RYR1: variants seen among roughly 807,000 people sequenced by gnomAD.
RYR1 encodes the protein ryanodine receptor 1, also known as central core disease of muscle.
Under a neutral mutation model 583.5 loss-of-function variants are expected in RYR1, and 342 were observed. The ratio of observed to expected loss-of-function variants is 0.59; its 90% CI spans 0.54 to 0.64. The LOEUF is 0.64. RYR1 is among the 30% of genes least tolerant of loss of function. RYR1 has a pLI of 0.00. For missense variants in RYR1, 6,032 were observed against 6,917.2 expected, an observed-to-expected ratio of 0.87 and a Z score of 4.54; for synonymous variants, 2,791 against 2,822.5, an observed-to-expected ratio of 0.99 and a Z score of 0.35.
At chr19:38,478,747 T>G (rs1968870880) in intron 31 of RYR1, 147 bp downstream of exon 31, 1 of 846,124 alleles carries the variant, frequency 1.2e-6, no homozygotes. Context: ...GAGACCACCT[T>G]GTTGAAACTT....
chr19:38,439,017 A>C (rs886950657), intron 1 of RYR1, among the ~76,000 whole-genome samples: 2 of 151,932 alleles, frequency 1.3e-5, no homozygotes, highest in African/African-American at 4.8e-5. Flanking sequence ...CAGCCAAGGC[A>C]GGGATCTTGA....
rs111578044 is a variant in RYR1, at chr19:38,572,045, C to T, written c.13773C>T (p.Asp4591=). Residue 4591 remains aspartate, a synonymous_variant, in exon 95 of 106, where the codon GAC becomes GAT. Coordinates refer to ENST00000359596, the MANE Select transcript of RYR1 (RefSeq NM_000540.3). ...YKVSDSPPGE[D]DMEGSAAGDV... is the part of the protein sequence containing the mutation. ...TCTCAGACTCTCCACCAGGGGAGGA[C>T]GACATGGAAGGCTCAGCTGCTGGGG... 53 of 1,614,050 alleles carry T rather than the reference C, an allele frequency of 3.3e-5. No homozygotes were observed. Among genetic ancestry groups the T allele is most frequent in the African/African-American group, 2.0e-4 (15 of 75,032 alleles).
Position 38,490,720 on chromosome 19 carries a change from C to A in RYR1, c.6115C>A (p.Leu2039Met). The change falls in exon 37 of 106, where the codon CTG becomes ATG. Residue 2039 changes from leucine (L) to methionine (M), a missense_variant. Leu to Met is a conservative substitution (Grantham distance 15, BLOSUM62 2). Coordinates refer to ENST00000359596, the MANE Select transcript of RYR1 (RefSeq NM_000540.3). Reference protein sequence around the residue: ...QDLLDFHQDLLAHCGIQLDGE... With the variant: ...QDLLDFHQDLMAHCGIQLDGE... ...TTTGCTTGACTTTCATCAAGACCTG[C>A]TGGCACACTGTGGTAAGGAGTGGGG... 1 of 1,609,974 alleles carries A rather than the reference C, an allele frequency of 6.2e-7. No individual in the cohort carries two copies. Among genetic ancestry groups the A allele is most frequent in the Non-Finnish European group, 8.5e-7 (1 of 1,176,140 alleles).
At chr19:38,495,637 C>G (rs71356808) in intron 39 of RYR1, among the ~76,000 whole-genome samples, 1 of 152,050 alleles carries the variant, frequency 6.6e-6, no homozygotes, top group African/African-American at 2.4e-5. Flanking sequence ...CAAAAGCCAC[C>G]ATGCTGGGAC....
At position 38,561,027 on chromosome 19, in the gene RYR1, C is replaced by T. The variant is rs1456063053; in HGVS notation, c.12283-86C>T. On this transcript the variant is annotated intron_variant, in intron 89 of 105. Coordinates refer to ENST00000359596, the MANE Select transcript of RYR1 (RefSeq NM_000540.3). This position sits in a 1 kb window ranked among gnomAD's most constrained non-coding sequence, Gnocchi z 4.8. ...CTGCACTCCAGCCTGGGCGACACAG[C>T]GAGACCTTGTCTTAAAAAAAAAAAA... 36 of 1,274,492 alleles carry T rather than the reference C, an allele frequency of 2.8e-5. No homozygotes were observed. The highest frequency in any genetic ancestry group is 4.6e-5 in the African/African-American group (3 of 65,122). The allele number at this position is 1,274,492 out of a possible 1,614,324, so 78.9% of individuals were successfully genotyped here.
Position 38,561,997 on chromosome 19 carries a change from C to G in RYR1, c.12624+543C>G, listed in dbSNP as rs182223176. On this transcript the variant is annotated intron_variant, in intron 90 of 105. Coordinates refer to ENST00000359596, the MANE Select transcript of RYR1 (RefSeq NM_000540.3). This position sits in a 1 kb window ranked among gnomAD's most constrained non-coding sequence, Gnocchi z 4.8. ...CATCACGTTTGCCCCCAGATGCCTT[C>G]TGAAGTCCTAGCATATGTGTACCCC... Among the ~76,000 whole-genome samples the G allele has an allele frequency of 2.6e-5, 4 of 152,236 alleles. No individual in the cohort carries two copies. In the East Asian group the frequency reaches 7.7e-4, roughly 29 times the overall value.
chr19:38,464,314 C>T (rs1445896473), intron 22 of RYR1, among the ~76,000 whole-genome samples: 2 of 122,872 alleles, frequency 1.6e-5, no homozygotes, highest in African/African-American at 6.3e-5. Context: ...AAAAAAGAAG[C>T]AAACGGGGAG....
chr19:38,587,403 GAGGACCAGCTT>G lies in RYR1; in HGVS notation c.15103_15113del (p.Asp5035LeufsTer36). 1 of 1,613,946 alleles carries G rather than the reference GAGGACCAGCTT, an allele frequency of 6.2e-7. No individual in the cohort carries two copies. The highest frequency in any genetic ancestry group is 8.5e-7 in the Non-Finnish European group (1 of 1,179,908). ...TGGTGATTGTTTCCGTAAGCAGTAT[GAGGACCAGCTT>G]AGCTGACACACCCCCAGCTGGCCCT... On this transcript the variant is annotated frameshift_variant, in exon 106 of 106. Transcript: ENST00000359596. LOFTEE classifies it high-confidence loss of function.
chr19:38,528,129 C>T (rs1971558471), intron 73 of RYR1, 177 bp from the exon 74 acceptor site: 1 of 676,616 alleles, frequency 1.5e-6, no homozygotes, highest in Non-Finnish European at 2.6e-6. Context: ...AGGATGGAAA[C>T]TTAGGTCTGG....
chr19:38,491,836 A>AC (rs1426452020), intron 37 of RYR1, among the ~76,000 whole-genome samples: 3 of 151,528 alleles, frequency 2.0e-5, no homozygotes, highest in Non-Finnish European at 4.4e-5. Context: ...ATGCTGTTGA[A>AC]CCCCCCTAAT....
chr19:38,516,207 G>C lies in RYR1; in HGVS notation c.9675G>C (p.Arg3225=), dbSNP rs755039560. 1.3e-6 allele frequency: 2 copies of C among 1,585,782 alleles called. No individual in the cohort carries two copies. The highest frequency in any genetic ancestry group is 1.7e-6 in the Non-Finnish European group (2 of 1,165,882). ...ACSVYTTKSP[R]ERAILGLPNS... The stretch of plus-strand genomic sequence containing the variant: ...CCGTGTACACCACCAAGTCTCCGCG[G>C]GAGCGGGCCAGTAAGCTGTGTGGGG... Residue 3225 remains arginine (R), a synonymous_variant, in exon 65 of 106, where the codon CGG becomes CGC. Coordinates refer to ENST00000359596, the MANE Select transcript of RYR1 (RefSeq NM_000540.3).
chr19:38,526,671 C>G (rs1971479609), intron 71 of RYR1, among the ~76,000 whole-genome samples: 1 of 151,872 alleles, frequency 6.6e-6, no homozygotes, highest in African/African-American at 2.4e-5. Context: ...CTCCCTGCCC[C>G]ACTCTGACCC....
At chr19:38,525,219 G>A in intron 70 of RYR1, 113 bp from the exon 71 acceptor site, 1 of 1,251,908 alleles carries the variant, frequency 8.0e-7, no homozygotes, top group Non-Finnish European at 1.2e-6. Context: ...CGGCAGTTGG[G>A]GAGGGAGTGC....
rs759256183 is a variant in RYR1, at chr19:38,444,602, G to A, written c.556G>A (p.Gly186Arg). The A allele has an allele frequency of 1.2e-6, 2 of 1,613,746 alleles. No individual in the cohort carries two copies. Among genetic ancestry groups the A allele is most frequent in the Non-Finnish European group, 1.7e-6 (2 of 1,179,936 alleles). The change falls in exon 7 of 106, where the codon GGG (glycine) becomes AGG (arginine). Residue 186 changes from glycine (G) to arginine (R), a missense_variant. By Grantham distance (125) the Gly-to-Arg change is moderately radical. This residue lies in a region of RYR1 where 338 missense variants were observed against 441.6 expected (regional missense o/e 0.77). Transcript: ENST00000359596. The surrounding 1 kb of genome is among the most constrained non-coding windows in gnomAD (Gnocchi z 5.1). Reference protein sequence around the residue: ...ERYLHLSTASGELQVDASFMQ... With the variant: ...ERYLHLSTASRELQVDASFMQ... The stretch of plus-strand genomic sequence containing the variant: ...CCCCCAGCACCTGTCGACCGCCAGT[G>A]GGGAGCTCCAGGTTGACGCTTCCTT...
intron 25 of RYR1, 144 bp downstream of exon 25, chr19:38,467,956 A>G: frequency 1.4e-6 from 1 of 712,736 alleles, no homozygotes; most frequent in Admixed American, 2.2e-5. Flanking sequence ...CTATCCATCC[A>G]TTCAACCAAT....
chr19:38,549,132 C>T (rs1053618780), intron 89 of RYR1, among the ~76,000 whole-genome samples: 4 of 152,084 alleles, frequency 2.6e-5, no homozygotes, highest in African/African-American at 9.7e-5. Flanking sequence ...CTAACTAGAC[C>T]ATTCCAAGTC....
At chr19:38,563,106 C>CTCCCCAT in intron 90 of RYR1, among the ~76,000 whole-genome samples, 1 of 152,324 alleles carries the variant, frequency 6.6e-6, no homozygotes, top group African/African-American at 2.4e-5. Flanking sequence ...ACCCTGCGTG[C>CTCCCCAT]TCCCCATACA....
intron 22 of RYR1, among the ~76,000 whole-genome samples, chr19:38,464,179 A>G (rs1307000314): frequency 1.4e-5 from 2 of 146,058 alleles, no homozygotes; most frequent in Non-Finnish European, 3.0e-5. Context: ...CAGGAGGCTG[A>G]GGCAGGAGAA....
chr19:38,528,986 G>A lies in RYR1; in HGVS notation c.11070G>A (p.Val3690=), dbSNP rs753071672. ...AGEQEEEEEE[V]EEKKPDPLHQ... Reference sequence around the variant, plus strand: ...AGCAGGAGGAGGAGGAGGAAGAGGTGGAAGAGAAGAAGCCAGACCCCCTGC... The same window carrying A: ...AGCAGGAGGAGGAGGAGGAAGAGGTAGAAGAGAAGAAGCCAGACCCCCTGC... Residue 3690 remains valine (V), a synonymous_variant, in exon 76 of 106, where the codon GTG becomes GTA. Transcript: ENST00000359596. The A allele has an allele frequency of 7.1e-5, 114 of 1,612,858 alleles. No homozygotes were observed. The highest frequency in any genetic ancestry group is 9.1e-5 in the Non-Finnish European group (107 of 1,179,588).
Sources: gnomAD v4.1 joint callset for allele counts (sites outside exome capture counted in the v4.1 genomes callset) on GRCh38, gnomAD v4.1.1 for gene constraint, gnomAD v4.1.1 regional missense constraint, Gnocchi (gnomAD v3.1) non-coding constraint, MANE v1.5 for transcripts, NCBI Gene and HGNC (gene_info 2026-07-23, HGNC 2026-07-21) for gene names.